The following GYPC variants were observed in gnomAD, a reference collection of about 807,000 sequenced individuals.
The protein encoded by GYPC is glycophorin-C.
GYPC carries 14 observed loss-of-function variants against 12.6 expected under a neutral mutation model. The ratio of observed to expected loss-of-function variants is 1.11; its 90% CI spans 0.74 to 1.74. The LOEUF (loss-of-function observed/expected upper bound fraction) is 1.74. Ranked by LOEUF, GYPC falls within the 40% of genes most tolerant of loss-of-function variation. GYPC has a pLI of 0.00. For missense variants in GYPC, 225 were observed against 172.1 expected (o/e 1.31, Z -1.72); for synonymous variants, 78 against 62.1 (o/e 1.26, Z -1.20).
At chr2:126,685,779 G>T (rs796096865) in intron 1 of GYPC, 14 of 985,052 alleles carry the variant, frequency 1.4e-5, no homozygotes, top group Non-Finnish European at 1.6e-5. Context: ...AGCAGTCAAC[G>T]TTGCTGTTGC....
chr2:126,663,156 G>A (rs1682581712), intron 1 of GYPC, among the ~76,000 whole-genome samples: 1 of 152,196 alleles, frequency 6.6e-6, no homozygotes, highest in Non-Finnish European at 1.5e-5. Flanking sequence ...TCCTGCCTCA[G>A]CCTCCCGAGT....
At chr2:126,658,001 A>C (rs1279665849) in intron 1 of GYPC, 4 of 152,336 alleles carry the variant, frequency 2.6e-5, no homozygotes, top group African/African-American at 9.7e-5. Flanking sequence ...GAGAGGACCC[A>C]CTTCCGCCAG....
intron 1 of GYPC, among the ~76,000 whole-genome samples, chr2:126,682,724 G>C (rs775130038): frequency 2.0e-5 from 3 of 152,188 alleles, no homozygotes; most frequent in Non-Finnish European, 4.4e-5. Context: ...TCTGCTTCCA[G>C]GAAGAACACA....
At position 126,696,209 on chromosome 2, in the gene GYPC, C is replaced by T. The variant is rs1558895676; in HGVS notation, c.*67C>T. 4 of 1,138,926 alleles carry T rather than the reference C, an allele frequency of 3.5e-6. No homozygotes were observed. The East Asian group carries it at 9.9e-5, about 28-fold the overall frequency. 70.6% of individuals were successfully genotyped at this position (1,138,926 alleles called of 1,614,324 possible). A position where few individuals can be genotyped will look rare whatever the true frequency, so the allele number is the denominator to read the frequency against. On this transcript the variant is annotated 3_prime_UTR_variant, in exon 4 of 4. Transcript: ENST00000259254. ...CATCAGGAAAAATACACCCCATCGC[C>T]CAGCACCCCTGCTGATACCACCAGA...
At chr2:126,683,212 G>A (rs559020738) in intron 1 of GYPC, among the ~76,000 whole-genome samples, 11 of 152,226 alleles carry the variant, frequency 7.2e-5, no homozygotes, top group East Asian at 5.8e-4. Context: ...CCAGCTACTC[G>A]GGAGGCTGAG....
At chr2:126,690,402 G>T (rs1683425987) in intron 2 of GYPC, 91 bp downstream of exon 2, 6 of 986,960 alleles carry the variant, frequency 6.1e-6, no homozygotes, top group Non-Finnish European at 9.8e-6. Context: ...AGCCAGGGTT[G>T]GGGGACTTGG....
chr2:126,656,351 T>C (rs1682353967), intron 1 of GYPC, 39 bp downstream of exon 1: 6 of 1,527,550 alleles, frequency 3.9e-6, no homozygotes, highest in Non-Finnish European at 5.3e-6. Context: ...GGGGACCCAC[T>C]GGAGGCCGCG....
In GYPC at chr2:126,690,320, T is replaced by C; in HGVS notation, c.106+9T>C. On this transcript the variant is annotated intron_variant, in intron 2 of 3. Coordinates refer to ENST00000259254, the MANE Select transcript of GYPC (RefSeq NM_002101.5). ...TACTACCACCATTGCAGGTGAGTTC[T>C]CATCACAGAGCCTCACCATAATGGA... 6.3e-7 allele frequency: 1 copy of C among 1,595,244 alleles called. No homozygotes were observed. The highest frequency in any genetic ancestry group is 8.6e-7 in the Non-Finnish European group (1 of 1,162,768).
chr2:126,689,884 A>G (rs528943444), intron 1 of GYPC, among the ~76,000 whole-genome samples: 4 of 152,304 alleles, frequency 2.6e-5, no homozygotes, highest in African/African-American at 9.6e-5. Flanking sequence ...AGCATCAGAC[A>G]CTCCACAAAC....
Position 126,696,091 on chromosome 2 carries a change from C to T in GYPC, c.336C>T (p.Asp112=). 1 of 1,614,070 alleles carries T rather than the reference C, an allele frequency of 6.2e-7. No homozygotes were observed. Among genetic ancestry groups the T allele is most frequent in the South Asian group, 1.1e-5 (1 of 91,074 alleles). ...GTGCAGATGCAGCCCTGCAGGGAGACCCTGCCCTCCAAGATGCTGGTGATA... is the reference window on the plus strand; with the variant it reads ...GTGCAGATGCAGCCCTGCAGGGAGATCCTGCCCTCCAAGATGCTGGTGATA... ...AESADAALQG[D]PALQDAGDSS... Residue 112 remains aspartate (D), a synonymous_variant, in exon 4 of 4, where the codon GAC becomes GAT. Coordinates refer to ENST00000259254, the MANE Select transcript of GYPC (RefSeq NM_002101.5).
rs149696043 is a variant in GYPC, at chr2:126,693,937, C to G, written c.180C>G (p.Val60=). Residue 60 remains valine, a synonymous_variant, in exon 3 of 4, where the codon GTC becomes GTG. Coordinates refer to ENST00000259254, the MANE Select transcript of GYPC (RefSeq NM_002101.5). The stretch of plus-strand genomic sequence containing the variant: ...CCACCCCCACCATAATGGACATTGT[C>G]GTCATTGCAGGTGAGCTCTCATCAC... ...ETSTPTIMDI[V]VIAGVIAAVA... The G allele has an allele frequency of 8.2e-5, 131 of 1,606,802 alleles. No homozygotes were observed. In the South Asian group the frequency reaches 1.3e-3, roughly 16 times the overall value.
intron 2 of GYPC, 66 bp downstream of exon 2, chr2:126,690,377 C>A: frequency 8.4e-7 from 1 of 1,194,904 alleles, no homozygotes; most frequent in Non-Finnish European, 1.3e-6. Flanking sequence ...GCTCTCATCA[C>A]AGAGCCCTTT....
intron 1 of GYPC, among the ~76,000 whole-genome samples, chr2:126,663,705 C>A (rs114761464): frequency 3.5e-4 from 54 of 152,282 alleles, no homozygotes; most frequent in East Asian, 1.5e-3. Flanking sequence ...ATTCACTGCA[C>A]CCTCTCCCTG....
In GYPC at chr2:126,690,272, G is replaced by A. The variant is rs774359594; in HGVS notation, c.67G>A (p.Ala23Thr). ...PLSLEPDPGMASASTTMHTTT... is the reference protein window; with the variant it reads ...PLSLEPDPGMTSASTTMHTTT... ...GTTCACAGAGCCTGATCCGGGGATG[G>A]CCTCTGCCTCCACCACAATGCATAC... The change falls in exon 2 of 4, where the codon GCC (alanine) becomes ACC (threonine). Residue 23 changes from alanine (A) to threonine (T), a missense_variant. Transcript: ENST00000259254. 1.2e-5 allele frequency: 20 copies of A among 1,612,794 alleles called. No individual in the cohort carries two copies. The highest frequency in any genetic ancestry group is 1.7e-5 in the Non-Finnish European group (20 of 1,178,936).
chr2:126,675,111 C>A (rs907853764), intron 1 of GYPC, among the ~76,000 whole-genome samples: 2 of 152,058 alleles, frequency 1.3e-5, no homozygotes, highest in South Asian at 4.1e-4. Flanking sequence ...GCTGAGCACA[C>A]CCACCTGCTG....
In GYPC at chr2:126,670,112, C is replaced by G. The variant is rs542693223; in HGVS notation, c.49+13800C>G. On this transcript the variant is annotated intron_variant, in intron 1 of 3. Coordinates refer to ENST00000259254, the MANE Select transcript of GYPC (RefSeq NM_002101.5). ...GAATTCCCTGCGTGTGAGGCCCTCC[C>G]CAAGGAAAAACAAGTTCTCTCTGCT... 6.6e-5 allele frequency among the ~76,000 whole-genome samples: 10 copies of G among 152,298 alleles called. No homozygotes were observed. The East Asian group carries it at 1.9e-3, about 29-fold the overall frequency.
At chr2:126,693,803 G>A in intron 2 of GYPC, 61 bp from the exon 3 acceptor site, 5 of 1,134,466 alleles carry the variant, frequency 4.4e-6, no homozygotes, top group Non-Finnish European at 6.7e-6. Flanking sequence ...CTTGGGCCAA[G>A]GTGCTGCTAG....
intron 1 of GYPC, among the ~76,000 whole-genome samples, chr2:126,673,219 G>A (rs1446889028): frequency 6.6e-6 from 1 of 152,140 alleles, no homozygotes; most frequent in Non-Finnish European, 1.5e-5. Context: ...GCCAGGACAA[G>A]AATCCAGTTG....
Position 126,690,301 on chromosome 2 carries a change from C to G in GYPC, c.96C>G (p.Thr32=). The G allele has an allele frequency of 1.2e-6, 2 of 1,610,436 alleles. No individual in the cohort carries two copies. The highest frequency in any genetic ancestry group is 2.7e-5 in the African/African-American group (2 of 74,974). The change falls in exon 2 of 4, where the codon ACC becomes ACG. Residue 32 remains threonine (T), a synonymous_variant. Transcript: ENST00000259254. ...CTGCCTCCACCACAATGCATACTAC[C>G]ACCATTGCAGGTGAGTTCTCATCAC... ...MASASTTMHT[T]TIAEPDPGMS... is the part of the protein sequence containing the mutation.
Sources: allele counts gnomAD v4.1 joint callset (sites outside exome capture counted in the v4.1 genomes callset), GRCh38; gene constraint gnomAD v4.1.1; transcripts MANE v1.5; gene names NCBI Gene and HGNC (gene_info 2026-07-23, HGNC 2026-07-21).